Variants in PLPP4 observed in about 807,000 individuals in gnomAD.
PLPP4 encodes phospholipid phosphatase 4, also known as diacylglycerol pyrophosphate like 2.
In PLPP4, 20 loss-of-function variants were observed where a neutral mutation model predicts 32.2. That is an observed-to-expected ratio of 0.62 (90% confidence interval 0.44 to 0.90). The LOEUF is 0.90. PLPP4 is among the 40% of genes least tolerant of loss of function. The pLI, the probability that PLPP4 is intolerant of heterozygous loss-of-function variation, is 0.00. For missense variants in PLPP4, 257 were observed against 353.1 expected (o/e 0.73, Z 2.18); for synonymous variants, 127 against 133.0 (o/e 0.95, Z 0.31).
intron 6 of PLPP4, among the ~76,000 whole-genome samples, chr10:120,582,522 AG>A (rs1452837829): frequency 6.6e-6 from 1 of 152,092 alleles, no homozygotes; most frequent in Non-Finnish European, 1.5e-5. Context: ...TTTCTAAATA[AG>A]GTCACATTCT....
chr10:120,529,848 A>G (rs1192274761), intron 5 of PLPP4, among the ~76,000 whole-genome samples: 1 of 152,232 alleles, frequency 6.6e-6, no homozygotes, highest in Admixed American at 6.5e-5. Context: ...AACCCTAGCT[A>G]TTAGGAGGTG....
At chr10:120,496,704 T>G (rs890723814) in intron 1 of PLPP4, among the ~76,000 whole-genome samples, 4 of 152,192 alleles carry the variant, frequency 2.6e-5, no homozygotes, top group Non-Finnish European at 5.9e-5. Flanking sequence ...TCATGGACAC[T>G]CAGTAAATAT....
At chr10:120,529,194 G>A (rs1683713029) in intron 5 of PLPP4, among the ~76,000 whole-genome samples, 1 of 152,090 alleles carries the variant, frequency 6.6e-6, no homozygotes, top group Non-Finnish European at 1.5e-5. Flanking sequence ...GCGTGTGTGT[G>A]TGTGTGTGCG....
chr10:120,507,361 T>TCATCATC lies in PLPP4; in HGVS notation c.165+3435_165+3436insCATCATC, dbSNP rs1564803325. On this transcript the variant is annotated intron_variant, in intron 2 of 6. Transcript: ENST00000398250. ...GGAAGTTCTTCATCATCATCATCAT[T>TCATCATC]ATCATCATCATCATCATCATCATCA... 1.2e-4 allele frequency among the ~76,000 whole-genome samples: 12 copies of TCATCATC among 99,760 alleles called. No individual in the cohort carries two copies. The East Asian group carries it at 1.7e-3, about 14-fold the overall frequency. 65.4% of individuals were successfully genotyped at this position (99,760 alleles called of 152,430 possible). A position where few individuals can be genotyped will look rare whatever the true frequency, so the allele number is the denominator to read the frequency against.
intron 6 of PLPP4, among the ~76,000 whole-genome samples, chr10:120,584,131 A>T: frequency 6.6e-6 from 1 of 152,100 alleles, no homozygotes; most frequent in Non-Finnish European, 1.5e-5. Flanking sequence ...GCACCTTCTC[A>T]CATACCCTTC....
Position 120,521,058 on chromosome 10 carries a change from C to T in PLPP4, c.408C>T (p.Ser136=), listed in dbSNP as rs568090102. ...GCACAGGTGACCCCGATCTGGTGTC[C>T]GAGGGCCGCAAAAGCTTCCCCAGCA... is the stretch of plus-strand genomic sequence containing the variant. ...MHCTGDPDLV[S]EGRKSFPSIH... The change falls in exon 5 of 7, where the codon TCC becomes TCT. Residue 136 remains serine (S), a synonymous_variant. Coordinates refer to ENST00000398250, the MANE Select transcript of PLPP4 (RefSeq NM_001030059.3). 43 of 1,614,048 alleles carry T rather than the reference C, an allele frequency of 2.7e-5. No homozygotes were observed. The highest frequency in any genetic ancestry group is 3.3e-5 in the Non-Finnish European group (39 of 1,179,998).
At chr10:120,490,448 C>T (rs1265796682) in intron 1 of PLPP4, among the ~76,000 whole-genome samples, 2 of 152,198 alleles carry the variant, frequency 1.3e-5, no homozygotes, top group Non-Finnish European at 2.9e-5. Flanking sequence ...GAGGAAGCCC[C>T]CGAGTTCTCC....
chr10:120,531,199 G>A (rs1202623293), intron 5 of PLPP4, among the ~76,000 whole-genome samples: 1 of 150,602 alleles, frequency 6.6e-6, no homozygotes, highest in Admixed American at 6.6e-5. Flanking sequence ...TCCACCTCCT[G>A]GGTTCAAGTG....
At chr10:120,551,176 T>A (rs1212218903) in intron 5 of PLPP4, among the ~76,000 whole-genome samples, 1 of 152,142 alleles carries the variant, frequency 6.6e-6, no homozygotes, top group East Asian at 1.9e-4. Context: ...GAAATACAAA[T>A]TAAAATCACT....
At chr10:120,544,849 G>C (rs961172451) in intron 5 of PLPP4, among the ~76,000 whole-genome samples, 1 of 152,256 alleles carries the variant, frequency 6.6e-6, no homozygotes, top group African/African-American at 2.4e-5. Flanking sequence ...CATCTGAGCA[G>C]AGCCAGGGGA....
At chr10:120,489,229 C>T (rs954952948) in intron 1 of PLPP4, among the ~76,000 whole-genome samples, 4 of 152,192 alleles carry the variant, frequency 2.6e-5, no homozygotes, top group Non-Finnish European at 4.4e-5. Context: ...GTTGATCTTT[C>T]GTTGGAGAAT....
intron 5 of PLPP4, among the ~76,000 whole-genome samples, chr10:120,572,079 G>A (rs1848968422): frequency 6.6e-6 from 1 of 152,194 alleles, no homozygotes; most frequent in South Asian, 2.1e-4. Flanking sequence ...CTTGCACATT[G>A]CCTATAAAGA....
Position 120,498,667 on chromosome 10 carries a change from T to C in PLPP4, c.57-5151T>C, listed in dbSNP as rs28587744. Among the ~76,000 whole-genome samples, 268 of 140,286 alleles carry C rather than the reference T, an allele frequency of 1.9e-3. 1 individual carries two copies. Among genetic ancestry groups the C allele is most frequent in the African/African-American group, 4.9e-3 (187 of 38,158 alleles). 92.0% of individuals were successfully genotyped at this position (140,286 alleles called of 152,430 possible). ...AGCTCTTCTATTCTTTTTTTTTTTTTCTTTTTTTTTTGAGATGGAGTCTCA... is the reference window on the plus strand; with the variant it reads ...AGCTCTTCTATTCTTTTTTTTTTTTCCTTTTTTTTTTGAGATGGAGTCTCA... On this transcript the variant is annotated intron_variant, in intron 1 of 6. Transcript: ENST00000398250.
At chr10:120,489,207 C>T (rs1844597913) in intron 1 of PLPP4, among the ~76,000 whole-genome samples, 1 of 152,170 alleles carries the variant, frequency 6.6e-6, no homozygotes, top group African/African-American at 2.4e-5. Flanking sequence ...ATGAAGAACG[C>T]AAGGTTTGCA....
At chr10:120,460,936 C>T (rs906658070) in intron 1 of PLPP4, among the ~76,000 whole-genome samples, 2 of 152,200 alleles carry the variant, frequency 1.3e-5, no homozygotes, top group African/African-American at 4.8e-5. Flanking sequence ...AGGCAGCTGA[C>T]CCCATGTCCC....
At chr10:120,521,898 C>A (rs1846172398) in intron 5 of PLPP4, among the ~76,000 whole-genome samples, 1 of 152,220 alleles carries the variant, frequency 6.6e-6, no homozygotes. Flanking sequence ...TTTCAATAAA[C>A]AGTAGTTATC....
intron 5 of PLPP4, among the ~76,000 whole-genome samples, chr10:120,549,262 T>G (rs1847775833): frequency 6.6e-6 from 1 of 151,134 alleles, no homozygotes; most frequent in South Asian, 2.1e-4. Flanking sequence ...TGTGAGCGGT[T>G]TCATGCCAAC....
Position 120,574,748 on chromosome 10 carries a change from A to G in PLPP4, c.446-383A>G, listed in dbSNP as rs560392270. ...CTTATAGAATGTATCACATTATATT[A>G]AAATTATCTCTTAGCATGGTATGTC... On this transcript the variant is annotated intron_variant, in intron 5 of 6. Coordinates refer to ENST00000398250, the MANE Select transcript of PLPP4 (RefSeq NM_001030059.3). Among the ~76,000 whole-genome samples, 56 of 152,294 alleles carry G rather than the reference A, an allele frequency of 3.7e-4. No homozygotes were observed. In the South Asian group the frequency reaches 0.011, roughly 30 times the overall value.
Position 120,458,168 on chromosome 10 carries a change from ATC to A in PLPP4, c.56+813_56+814del, listed in dbSNP as rs569973532. Among the ~76,000 whole-genome samples, 321 of 152,218 alleles carry A rather than the reference ATC, an allele frequency of 2.1e-3. 2 individuals carry two copies. The highest frequency in any genetic ancestry group is 7.3e-3 in the African/African-American group (303 of 41,524). On this transcript the variant is annotated intron_variant, in intron 1 of 6. Coordinates refer to ENST00000398250, the MANE Select transcript of PLPP4 (RefSeq NM_001030059.3). ...GGCCCAAGCTGCAGGGAGCTGTCAC[ATC>A]TCTCTTTCAGACCTGAGCCCAGAAC...
Sources: allele counts gnomAD v4.1 joint callset (sites outside exome capture counted in the v4.1 genomes callset), GRCh38; gene constraint gnomAD v4.1.1; transcripts MANE v1.5; gene names NCBI Gene and HGNC (gene_info 2026-07-23, HGNC 2026-07-21).